EPHA6: variants seen among roughly 807,000 people sequenced by gnomAD.
EPHA6 encodes ephrin type-A receptor 6.
In EPHA6, 50 loss-of-function variants were observed where a neutral mutation model predicts 112.0. The observed-to-expected ratio is 0.45, with a 90% CI of 0.36 to 0.56. The LOEUF (loss-of-function observed/expected upper bound fraction) is 0.56, where lower values mean the gene tolerates loss of function less well. Among genes scored for constraint, EPHA6 ranks in the 20% least tolerant of loss-of-function variants. The probability of loss-of-function intolerance (pLI) is 0.00; values close to 1 mark genes in which losing one functional copy is unlikely to be tolerated. For missense variants in EPHA6, 1,280 were observed against 1,417.4 expected (o/e 0.90, Z 1.56); for synonymous variants, 529 against 490.7 (o/e 1.08, Z -1.03).
intron 5 of EPHA6, among the ~76,000 whole-genome samples, chr3:97,288,924 A>ATTTTTTTTTTTTTTTTTTT (rs374397667): frequency 2.7e-5 from 3 of 111,286 alleles, no homozygotes; most frequent in African/African-American, 3.5e-5. Context: ...TTTAATGGGG[A>ATTTTTTTTTTTTTTTTTTT]TTTTTTTTTT....
intron 3 of EPHA6, among the ~76,000 whole-genome samples, chr3:97,122,504 T>C (rs1259187412): frequency 6.6e-6 from 1 of 152,064 alleles, no homozygotes; most frequent in East Asian, 1.9e-4. Context: ...ATAATCCTTA[T>C]ATAAATCAAA....
At chr3:97,726,357 T>G (rs181378368) in intron 15 of EPHA6, among the ~76,000 whole-genome samples, 45 of 152,274 alleles carry the variant, frequency 3.0e-4, no homozygotes, top group African/African-American at 7.7e-4. Flanking sequence ...TAATTATGCA[T>G]GCTCCTCTAT....
chr3:97,308,321 G>T (rs770639831), intron 5 of EPHA6, among the ~76,000 whole-genome samples: 5 of 151,564 alleles, frequency 3.3e-5, no homozygotes, highest in African/African-American at 1.2e-4. Context: ...AAATCTCTCC[G>T]TAGGGAACCC....
At chr3:97,534,353 G>A (rs142237583) in intron 11 of EPHA6, among the ~76,000 whole-genome samples, 50 of 151,948 alleles carry the variant, frequency 3.3e-4, no homozygotes, top group African/African-American at 1.1e-3. Context: ...TATGAGAAAC[G>A]AAGGCCCAGG....
Position 97,750,430 on chromosome 3 carries a change from C to T in EPHA6, c.*1729C>T, listed in dbSNP as rs1026814443. On this transcript the variant is annotated 3_prime_UTR_variant, in exon 18 of 18. Coordinates refer to ENST00000389672, the MANE Select transcript of EPHA6 (RefSeq NM_001080448.3). ...GGAGTGCAATGGTGAGATCTTGGCT[C>T]ACGGCAACCTCTGCCTCCCGGGTTC... Among the ~76,000 whole-genome samples, 24 of 151,850 alleles carry T rather than the reference C, an allele frequency of 1.6e-4. No individual in the cohort carries two copies. The highest frequency in any genetic ancestry group is 5.8e-4 in the African/African-American group (24 of 41,314).
chr3:97,026,121 A>ATTT, intron 3 of EPHA6, among the ~76,000 whole-genome samples: 1 of 116,024 alleles, frequency 8.6e-6, no homozygotes, highest in Admixed American at 8.7e-5. Flanking sequence ...TATGTGTCTG[A>ATTT]TTTTTTTTTT....
At chr3:96,963,613 G>T (rs1260159014) in intron 2 of EPHA6, among the ~76,000 whole-genome samples, 1 of 152,132 alleles carries the variant, frequency 6.6e-6, no homozygotes, top group Non-Finnish European at 1.5e-5. Flanking sequence ...CTACAGTGGA[G>T]GCAACTTGAG....
At chr3:97,305,176 A>G (rs1211704908) in intron 5 of EPHA6, among the ~76,000 whole-genome samples, 1 of 152,084 alleles carries the variant, frequency 6.6e-6, no homozygotes, top group Non-Finnish European at 1.5e-5. Flanking sequence ...CCAAACCACA[A>G]TGAGATACCA....
At chr3:97,654,014 G>A (rs933521479) in intron 14 of EPHA6, among the ~76,000 whole-genome samples, 1 of 151,624 alleles carries the variant, frequency 6.6e-6, no homozygotes, top group African/African-American at 2.4e-5. Flanking sequence ...TTGGCCAAAG[G>A]GTACTAAGTT....
intron 2 of EPHA6, among the ~76,000 whole-genome samples, chr3:96,943,314 T>G (rs1315813037): frequency 6.6e-6 from 1 of 152,196 alleles, no homozygotes; most frequent in South Asian, 2.1e-4. Context: ...GATAAATTTT[T>G]GAAGTAATGT....
chr3:97,117,218 G>A (rs911112333), intron 3 of EPHA6, among the ~76,000 whole-genome samples: 1 of 151,374 alleles, frequency 6.6e-6, no homozygotes, highest in East Asian at 1.9e-4. Context: ...AGATATTTTG[G>A]ATATCAACCT....
intron 3 of EPHA6, among the ~76,000 whole-genome samples, chr3:97,158,848 G>T (rs1451547021): frequency 6.6e-6 from 1 of 152,124 alleles, no homozygotes. Flanking sequence ...CTATCAGTTT[G>T]CATTGCCATG....
In EPHA6 at chr3:97,263,417, C is replaced by T. The variant is rs193025048; in HGVS notation, c.1606+19130C>T. Among the ~76,000 whole-genome samples, 24 of 146,404 alleles carry T rather than the reference C, an allele frequency of 1.6e-4. No individual in the cohort carries two copies. The East Asian group carries it at 3.4e-3, about 21-fold the overall frequency. Reference sequence around the variant, plus strand: ...AATTTTCATGAATTTTTTTACAAAGCGCCTTCCAATTAAAGGGATACACAC... The same window carrying T: ...AATTTTCATGAATTTTTTTACAAAGTGCCTTCCAATTAAAGGGATACACAC... On this transcript the variant is annotated intron_variant, in intron 5 of 17. Coordinates refer to ENST00000389672, the MANE Select transcript of EPHA6 (RefSeq NM_001080448.3).
chr3:97,431,470 A>G (rs1360648552), intron 6 of EPHA6, among the ~76,000 whole-genome samples: 13 of 152,126 alleles, frequency 8.5e-5, no homozygotes. Context: ...TTGTTCCCCA[A>G]ACCTGTGTTT....
intron 3 of EPHA6, among the ~76,000 whole-genome samples, chr3:97,193,590 AACTTGATT>A (rs1322051942): frequency 6.7e-6 from 1 of 149,786 alleles, no homozygotes; most frequent in Non-Finnish European, 1.5e-5. Context: ...AAACAAGGAT[AACTTGATT>A]TTTTTTTTCT....
chr3:97,470,834 T>A (rs1458302), intron 7 of EPHA6, among the ~76,000 whole-genome samples: 39,756 of 151,492 alleles, frequency 0.26, 9,483 homozygotes, highest in African/African-American at 0.63. Context: ...ATTTTAATAT[T>A]TTTATCTTTG....
chr3:96,882,190 T>C (rs2037354663), intron 2 of EPHA6, among the ~76,000 whole-genome samples: 1 of 152,140 alleles, frequency 6.6e-6, no homozygotes, highest in Admixed American at 6.5e-5. Flanking sequence ...CCTTCCGCAC[T>C]TTAAGATTTG....
chr3:97,008,613 A>C (rs1385536001), intron 3 of EPHA6, among the ~76,000 whole-genome samples: 1 of 152,098 alleles, frequency 6.6e-6, no homozygotes, highest in Non-Finnish European at 1.5e-5. Flanking sequence ...TACTTCTGTC[A>C]ATTTATCCAT....
At chr3:96,827,046 C>T (rs2033709023) in intron 1 of EPHA6, among the ~76,000 whole-genome samples, 1 of 152,038 alleles carries the variant, frequency 6.6e-6, no homozygotes, top group Non-Finnish European at 1.5e-5. Context: ...GTGTTTGACA[C>T]CTACCTGGGT....
Sources: gnomAD v4.1 joint callset for allele counts (sites outside exome capture counted in the v4.1 genomes callset) on GRCh38, gnomAD v4.1.1 for gene constraint, MANE v1.5 for transcripts, NCBI Gene and HGNC (gene_info 2026-07-23, HGNC 2026-07-21) for gene names.